Variants in SPOCK1 observed in about 807,000 individuals in gnomAD.
SPOCK1 encodes the protein SPARC (osteonectin), cwcv and kazal like domains proteoglycan 1, also known as testican-1.
SPOCK1 carries 23 observed loss-of-function variants against 55.3 expected under a neutral mutation model. The ratio of observed to expected loss-of-function variants is 0.42; its 90% CI spans 0.30 to 0.59. The LOEUF is 0.59. Ranked by LOEUF, SPOCK1 falls within the 20% of genes least tolerant of loss-of-function variation. The pLI is 0.22. For synonymous variants in SPOCK1, 226 were observed against 221.0 expected (o/e 1.02, Z -0.20); for missense variants, 499 against 552.5 (o/e 0.90, Z 0.97).
chr5:137,221,138 A>T (rs1755840078), intron 3 of SPOCK1, among the ~76,000 whole-genome samples: 1 of 152,346 alleles, frequency 6.6e-6, no homozygotes, highest in East Asian at 1.9e-4. Flanking sequence ...AAAAGGATTC[A>T]CAAGTTTCCT....
At chr5:137,294,346 T>C in intron 2 of SPOCK1, among the ~76,000 whole-genome samples, 1 of 152,206 alleles carries the variant, frequency 6.6e-6, no homozygotes, top group East Asian at 1.9e-4. Context: ...CTGTGCATTA[T>C]AAGTCTCTCA....
chr5:137,034,567 G>C (rs1009912836), intron 6 of SPOCK1, among the ~76,000 whole-genome samples: 7 of 152,154 alleles, frequency 4.6e-5, no homozygotes, highest in African/African-American at 1.2e-4. Flanking sequence ...TCCTGGCTTT[G>C]TCACACTCCA....
At chr5:137,318,759 CA>C (rs1392880317) in intron 2 of SPOCK1, among the ~76,000 whole-genome samples, 20 of 152,230 alleles carry the variant, frequency 1.3e-4, no homozygotes, top group African/African-American at 4.8e-4. Flanking sequence ...CTCTAAAAAC[CA>C]GAGCATATAT....
chr5:136,986,137 TCTTGTTTTAAGATGCTTTC>T (rs2126960587), intron 8 of SPOCK1, among the ~76,000 whole-genome samples: 1 of 152,278 alleles, frequency 6.6e-6, no homozygotes, highest in South Asian at 2.1e-4. Context: ...TTTGTTGACT[TCTTGTTTTAAGATGCTTTC>T]AGAGTAAAGG....
intron 2 of SPOCK1, among the ~76,000 whole-genome samples, chr5:137,360,353 A>G (rs959717070): frequency 6.6e-6 from 1 of 152,232 alleles, no homozygotes; most frequent in Non-Finnish European, 1.5e-5. Context: ...CATTAATCCA[A>G]CAGTCATCTG....
At chr5:137,283,869 A>C (rs1376570970) in intron 2 of SPOCK1, among the ~76,000 whole-genome samples, 2 of 152,222 alleles carry the variant, frequency 1.3e-5, no homozygotes, top group Non-Finnish European at 2.9e-5. Context: ...AAATAGGCCC[A>C]GTAGGCAGCA....
intron 2 of SPOCK1, among the ~76,000 whole-genome samples, chr5:137,437,540 GT>G (rs146295731): frequency 6.6e-6 from 1 of 152,058 alleles, no homozygotes; most frequent in Non-Finnish European, 1.5e-5. Flanking sequence ...AAATCCTGTA[GT>G]TTTTTTAAAT....
intron 4 of SPOCK1, among the ~76,000 whole-genome samples, chr5:137,134,283 T>C (rs1303716325): frequency 6.6e-6 from 1 of 152,228 alleles, no homozygotes; most frequent in Non-Finnish European, 1.5e-5. Flanking sequence ...GCAGCAACCT[T>C]GAGCCAGCCA....
intron 3 of SPOCK1, among the ~76,000 whole-genome samples, chr5:137,197,800 T>C (rs532042099): frequency 1.3e-5 from 2 of 152,330 alleles, no homozygotes; most frequent in South Asian, 4.1e-4. Context: ...TCTCTACATT[T>C]ACTAAATGGC....
chr5:137,247,931 C>G (rs1453593363), intron 3 of SPOCK1, among the ~76,000 whole-genome samples: 1 of 152,190 alleles, frequency 6.6e-6, no homozygotes. Context: ...AAAACCCAAA[C>G]ACCTCTCATT....
At position 137,469,211 on chromosome 5, in the gene SPOCK1, G is replaced by A. The variant is rs150093481; in HGVS notation, c.186+29162C>T. On this transcript the variant is annotated intron_variant, in intron 2 of 10. Coordinates refer to ENST00000394945, the MANE Select transcript of SPOCK1 (RefSeq NM_004598.4). ...ACATAGTCAGTGCTGAGAAAGCTGT[G>A]GGCTTGATACAAAGGATGTTAGGAT... 5.7e-4 allele frequency among the ~76,000 whole-genome samples: 87 copies of A among 152,254 alleles called. 1 individual carries two copies. Among genetic ancestry groups the A allele is most frequent in the African/African-American group, 1.8e-3 (73 of 41,532 alleles).
At chr5:137,122,418 G>A (rs1753704406) in intron 4 of SPOCK1, among the ~76,000 whole-genome samples, 1 of 152,162 alleles carries the variant, frequency 6.6e-6, no homozygotes, top group African/African-American at 2.4e-5. Context: ...AGTTAGTGAT[G>A]CGCTCTGTTT....
At chr5:137,008,295 TACACACACACACAC>T (rs141325417) in intron 6 of SPOCK1, among the ~76,000 whole-genome samples, 19 of 138,320 alleles carry the variant, frequency 1.4e-4, no homozygotes, top group African/African-American at 4.5e-4. Context: ...TAATAATAAA[TACACACACACACAC>T]ACACACACAC....
chr5:137,286,956 C>A (rs1757279565), intron 2 of SPOCK1, among the ~76,000 whole-genome samples: 1 of 152,144 alleles, frequency 6.6e-6, no homozygotes, highest in African/African-American at 2.4e-5. Context: ...TTTACAAGAG[C>A]TTATTAAAAG....
intron 2 of SPOCK1, among the ~76,000 whole-genome samples, chr5:137,494,557 A>G (rs908762714): frequency 6.6e-6 from 1 of 152,234 alleles, no homozygotes; most frequent in Non-Finnish European, 1.5e-5. Context: ...GGCACACTCG[A>G]TGCTCCATAA....
chr5:137,278,942 A>G (rs184869911), intron 2 of SPOCK1, among the ~76,000 whole-genome samples: 131 of 152,282 alleles, frequency 8.6e-4, no homozygotes, highest in Non-Finnish European at 1.2e-3. Context: ...GCCATGAACA[A>G]CTGGCTGTCC....
chr5:137,168,515 C>A (rs973996902), intron 3 of SPOCK1, among the ~76,000 whole-genome samples: 1 of 151,920 alleles, frequency 6.6e-6, no homozygotes, highest in Non-Finnish European at 1.5e-5. Context: ...GGAAAAAAAT[C>A]TAATAATCTG....
chr5:137,148,184 C>G (rs1324038704), intron 3 of SPOCK1, among the ~76,000 whole-genome samples: 1 of 152,168 alleles, frequency 6.6e-6, no homozygotes, highest in African/African-American at 2.4e-5. Context: ...GTGTCCAGCC[C>G]TGGGTGATCT....
intron 3 of SPOCK1, among the ~76,000 whole-genome samples, chr5:137,249,124 C>A (rs548579956): frequency 6.6e-6 from 1 of 152,310 alleles, no homozygotes; most frequent in South Asian, 2.1e-4. Flanking sequence ...GTCAATTTTC[C>A]CATCAGCAAT....
Sources: allele counts gnomAD v4.1 joint callset (sites outside exome capture counted in the v4.1 genomes callset), GRCh38; gene constraint gnomAD v4.1.1; transcripts MANE v1.5; gene names NCBI Gene and HGNC (gene_info 2026-07-23, HGNC 2026-07-21).